The following ATF6 variants were observed in gnomAD, a reference collection of about 807,000 sequenced individuals.
ATF6 encodes the protein activating transcription factor 6, also known as cyclic AMP-dependent transcription factor ATF-6 alpha.
In ATF6, 53 loss-of-function variants were observed where a neutral mutation model predicts 83.6. That is an observed-to-expected ratio of 0.63 (90% CI 0.51 to 0.80). The LOEUF is 0.80. Ranked by LOEUF, ATF6 falls within the 30% of genes least tolerant of loss-of-function variation. ATF6 has a pLI of 0.00. For missense variants in ATF6, 744 were observed against 797.9 expected, an observed-to-expected ratio of 0.93 and a Z score of 0.81; for synonymous variants, 288 against 285.8, an observed-to-expected ratio of 1.01 and a Z score of -0.08.
intron 14 of ATF6, among the ~76,000 whole-genome samples, chr1:161,867,743 T>G (rs909762040): frequency 6.6e-6 from 1 of 152,228 alleles, no homozygotes; most frequent in Non-Finnish European, 1.5e-5. Context: ...CTGTCTCAAA[T>G]TGTAAGTAAA....
intron 7 of ATF6, among the ~76,000 whole-genome samples, chr1:161,807,865 CTTTTTTTTTTTTTTTTTTT>C (rs761462420): frequency 4.3e-4 from 14 of 32,310 alleles, no homozygotes; most frequent in African/African-American, 5.7e-4. Context: ...AGTTTGTCAT[CTTTTTTTTTTTTTTTTTTT>C]TTTTTTTTTT....
intron 14 of ATF6, chr1:161,892,224 A>C (rs1260607315): frequency 6.6e-6 from 1 of 152,166 alleles, no homozygotes; most frequent in Non-Finnish European, 1.5e-5. Flanking sequence ...TCTGAGCTTT[A>C]ATTTTCGGAT....
chr1:161,942,540 C>G (rs1688667896), intron 15 of ATF6, among the ~76,000 whole-genome samples: 1 of 152,234 alleles, frequency 6.6e-6, no homozygotes, highest in Non-Finnish European at 1.5e-5. Context: ...AGCCTGATGT[C>G]TCTCCACTGT....
chr1:161,821,570 C>A (rs1685764105), intron 9 of ATF6, among the ~76,000 whole-genome samples: 1 of 151,984 alleles, frequency 6.6e-6, no homozygotes, highest in African/African-American at 2.4e-5. Flanking sequence ...GCATGCCAGG[C>A]AAAGGGAACA....
At chr1:161,880,629 G>C (rs1687303835) in intron 14 of ATF6, among the ~76,000 whole-genome samples, 1 of 152,016 alleles carries the variant, frequency 6.6e-6, no homozygotes, top group African/African-American at 2.4e-5. Context: ...CTAATATTCT[G>C]GTGTAGGGAT....
rs188097082 is a variant in ATF6 at position 161,815,345 on chromosome 1, C to T, written c.910-4288C>T. Among the ~76,000 whole-genome samples, 482 of 151,776 alleles carry T rather than the reference C, an allele frequency of 3.2e-3. 1 individual carries two copies. Among genetic ancestry groups the T allele is most frequent in the African/African-American group, 0.011 (448 of 41,392 alleles). ...TAGCTAGGACTACAATTGTGCACCA[C>T]GATGCCCAGCTAATTTTTTAATTTT... is the stretch of plus-strand genomic sequence containing the variant. On this transcript the variant is annotated intron_variant, in intron 7 of 15. Transcript: ENST00000367942.
At chr1:161,895,110 A>G (rs987399491) in intron 14 of ATF6, among the ~76,000 whole-genome samples, 1 of 152,002 alleles carries the variant, frequency 6.6e-6, no homozygotes, top group Non-Finnish European at 1.5e-5. Context: ...GGTGGTGTGT[A>G]CCTGTAGTCC....
At chr1:161,775,423 ATCTAAC>A (rs767791605) in intron 1 of ATF6, among the ~76,000 whole-genome samples, 4 of 151,840 alleles carry the variant, frequency 2.6e-5, no homozygotes, top group Non-Finnish European at 4.4e-5. Flanking sequence ...AATGGTAACT[ATCTAAC>A]TCTATCATTC....
chr1:161,881,617 G>A (rs377705686), intron 14 of ATF6, among the ~76,000 whole-genome samples: 10 of 152,216 alleles, frequency 6.6e-5, no homozygotes, highest in Admixed American at 2.0e-4. Flanking sequence ...TACCTTCCAG[G>A]CACCTCCTCA....
intron 12 of ATF6, among the ~76,000 whole-genome samples, chr1:161,853,917 G>A (rs1686700210): frequency 6.6e-6 from 1 of 152,138 alleles, no homozygotes; most frequent in Admixed American, 6.5e-5. Flanking sequence ...AATGAGCCAA[G>A]GACTGTTCTT....
intron 6 of ATF6, among the ~76,000 whole-genome samples, chr1:161,795,837 A>G (rs1186228226): frequency 6.6e-6 from 1 of 152,212 alleles, no homozygotes; most frequent in Non-Finnish European, 1.5e-5. Flanking sequence ...TTACCAAGTC[A>G]CCATGAGAGT....
intron 7 of ATF6, among the ~76,000 whole-genome samples, chr1:161,814,295 T>A (rs190293113): frequency 4.6e-5 from 7 of 152,366 alleles, no homozygotes; most frequent in Admixed American, 3.3e-4. Flanking sequence ...TGGGTCCCTC[T>A]ATTCTTCAAG....
Position 161,846,597 on chromosome 1 carries a change from C to G in ATF6, c.1319+17C>G, listed in dbSNP as rs1415840420. 12 of 1,587,884 alleles carry G rather than the reference C, an allele frequency of 7.6e-6. No homozygotes were observed. The Admixed American group carries it at 2.0e-4, about 26-fold the overall frequency. On this transcript the variant is annotated intron_variant, in intron 10 of 15. Coordinates refer to ENST00000367942, the MANE Select transcript of ATF6 (RefSeq NM_007348.4). ...CAGCTACAGGTAAGATGGCATGCAT[C>G]TATCTTTTGGCCTAAGTGATTTAAT...
intron 14 of ATF6, among the ~76,000 whole-genome samples, chr1:161,885,931 G>T (rs1398266459): frequency 6.6e-6 from 1 of 152,202 alleles, no homozygotes; most frequent in African/African-American, 2.4e-5. Flanking sequence ...GAAGCATTTA[G>T]TGTCCTAGCT....
At position 161,784,192 on chromosome 1, in the gene ATF6, A is replaced by G. The variant is rs551863779; in HGVS notation, c.354+96A>G. Reference sequence around the variant, plus strand: ...CAGTTAACATTTATTGAATACTACTATGAGTTATATTGTCTCATTTATTGA... The same window carrying G: ...CAGTTAACATTTATTGAATACTACTGTGAGTTATATTGTCTCATTTATTGA... On this transcript the variant is annotated intron_variant, in intron 4 of 15. Transcript: ENST00000367942. 80 of 828,876 alleles carry G rather than the reference A, an allele frequency of 9.7e-5. No homozygotes were observed. The South Asian group carries it at 1.0e-3, about 11-fold the overall frequency. 51.3% of individuals were successfully genotyped at this position (828,876 alleles called of 1,614,324 possible).
chr1:161,909,546 C>A (rs1473063910), intron 14 of ATF6, among the ~76,000 whole-genome samples: 1 of 152,028 alleles, frequency 6.6e-6, no homozygotes, highest in Non-Finnish European at 1.5e-5. Flanking sequence ...GTTTCTGCCA[C>A]AATTCAGTTT....
At chr1:161,829,475 G>T (rs1239228067) in intron 9 of ATF6, among the ~76,000 whole-genome samples, 1 of 151,844 alleles carries the variant, frequency 6.6e-6, no homozygotes, top group Non-Finnish European at 1.5e-5. Context: ...GCACCACATC[G>T]CACTTATTCC....
intron 7 of ATF6, among the ~76,000 whole-genome samples, chr1:161,808,945 G>C (rs1685373765): frequency 6.6e-6 from 1 of 152,046 alleles, no homozygotes; most frequent in African/African-American, 2.4e-5. Context: ...CATAATTATT[G>C]TAAAATTTTG....
chr1:161,785,035 C>A lies in ATF6; in HGVS notation c.354+939C>A, dbSNP rs74942079. 9.8e-3 allele frequency among the ~76,000 whole-genome samples: 1,490 copies of A among 152,216 alleles called. 27 individuals carry two copies. The highest frequency in any genetic ancestry group is 0.034 in the African/African-American group (1,424 of 41,532). On this transcript the variant is annotated intron_variant, in intron 4 of 15. Coordinates refer to ENST00000367942, the MANE Select transcript of ATF6 (RefSeq NM_007348.4). ...GTACTAGGCTTTCCATGATCTGGCC[C>A]CCATTTACTTTTCCAGTCTCTTTTC...
Sources: gnomAD v4.1 joint callset for allele counts (sites outside exome capture counted in the v4.1 genomes callset) on GRCh38, gnomAD v4.1.1 for gene constraint, MANE v1.5 for transcripts, NCBI Gene and HGNC (gene_info 2026-07-23, HGNC 2026-07-21) for gene names.